The following UBE2U variants were observed in gnomAD, a reference collection of about 807,000 sequenced individuals.
UBE2U encodes the protein ubiquitin-conjugating enzyme E2 U.
A neutral mutation model predicts 41.2 loss-of-function variants in UBE2U; 39 were observed. That is an observed-to-expected ratio of 0.95 (90% CI 0.73 to 1.24). The LOEUF is 1.24. Among genes scored for constraint, UBE2U ranks in the 50% most tolerant of loss-of-function variants. The pLI is 0.00. For missense variants in UBE2U, 336 were observed against 363.1 expected, an observed-to-expected ratio of 0.93 and a Z score of 0.61; for synonymous variants, 107 against 117.8, an observed-to-expected ratio of 0.91 and a Z score of 0.60.
At chr1:64,204,226 C>A in intron 1 of UBE2U, 110 bp downstream of exon 1, 2 of 855,900 alleles carry the variant, frequency 2.3e-6, no homozygotes, top group Non-Finnish European at 3.5e-6. Context: ...TGATTTGCCA[C>A]TACAGTATTG....
intron 1 of UBE2U, 106 bp downstream of exon 1, chr1:64,204,222 GC>G: frequency 1.1e-6 from 1 of 911,378 alleles, no homozygotes; most frequent in Non-Finnish European, 1.7e-6. Context: ...AACCTGATTT[GC>G]CACTACAGTA....
chr1:64,235,703 A>G (rs890671206), intron 7 of UBE2U, among the ~76,000 whole-genome samples: 1 of 152,084 alleles, frequency 6.6e-6, no homozygotes, highest in African/African-American at 2.4e-5. Flanking sequence ...TGGGGTATTA[A>G]CTCTTTTCCC....
intron 8 of UBE2U, among the ~76,000 whole-genome samples, chr1:64,259,797 G>A (rs1212253329): frequency 1.3e-5 from 2 of 151,842 alleles, no homozygotes; most frequent in Non-Finnish European, 2.9e-5. Flanking sequence ...TCTCCCATAA[G>A]CCTGTTGTTT....
At chr1:64,220,577 T>G (rs562663779) in intron 5 of UBE2U, among the ~76,000 whole-genome samples, 4 of 152,184 alleles carry the variant, frequency 2.6e-5, no homozygotes, top group Non-Finnish European at 5.9e-5. Flanking sequence ...CTGAACTGTT[T>G]CACAGGTTCT....
intron 4 of UBE2U, among the ~76,000 whole-genome samples, chr1:64,213,354 T>G (rs1277764607): frequency 1.3e-5 from 2 of 152,210 alleles, no homozygotes; most frequent in Non-Finnish European, 2.9e-5. Flanking sequence ...TTCCTCAGTC[T>G]GTCCAGCAAG....
chr1:64,219,150 C>T (rs983368618), intron 5 of UBE2U, among the ~76,000 whole-genome samples: 2 of 152,100 alleles, frequency 1.3e-5, no homozygotes, highest in African/African-American at 4.8e-5. Context: ...CTTTGCATGC[C>T]TAAAAATGTA....
intron 7 of UBE2U, among the ~76,000 whole-genome samples, chr1:64,239,141 G>GAA (rs1238320884): frequency 0.015 from 434 of 28,120 alleles, 37 homozygotes; most frequent in African/African-American, 0.061. Context: ...AGAAGAAGAA[G>GAA]AAGAAGAAGA....
chr1:64,216,998 A>G (rs1228292849), intron 5 of UBE2U, among the ~76,000 whole-genome samples: 1 of 152,202 alleles, frequency 6.6e-6, no homozygotes, highest in Non-Finnish European at 1.5e-5. Flanking sequence ...ACAAACGATT[A>G]TCTAGCCAGT....
chr1:64,254,382 C>A (rs1287306092), intron 8 of UBE2U, among the ~76,000 whole-genome samples: 2 of 152,074 alleles, frequency 1.3e-5, no homozygotes, highest in Non-Finnish European at 2.9e-5. Context: ...ATATTCAATA[C>A]CTGAATTCAG....
At chr1:64,251,460 TA>T (rs1380728951) in intron 8 of UBE2U, among the ~76,000 whole-genome samples, 1 of 152,112 alleles carries the variant, frequency 6.6e-6, no homozygotes, top group African/African-American at 2.4e-5. Context: ...ATTTCTGATT[TA>T]AAAAAGAGAA....
intron 8 of UBE2U, chr1:64,244,134 A>G (rs1644880859): frequency 6.2e-7 from 1 of 1,609,740 alleles, no homozygotes; most frequent in South Asian, 1.1e-5. Context: ...TTGCAGATGA[A>G]AAATCTTTCT....
intron 8 of UBE2U, chr1:64,244,221 T>A: frequency 6.4e-7 from 1 of 1,566,878 alleles, no homozygotes; most frequent in Non-Finnish European, 8.7e-7. Context: ...ACTCTGAACT[T>A]GTTTTTTTAT....
chr1:64,215,813 C>T (rs1358381361), intron 5 of UBE2U, among the ~76,000 whole-genome samples: 2 of 152,086 alleles, frequency 1.3e-5, no homozygotes, highest in Non-Finnish European at 2.9e-5. Flanking sequence ...TCCATTGCCC[C>T]TGTGCGCTCT....
At chr1:64,219,488 T>G (rs777239469) in intron 5 of UBE2U, among the ~76,000 whole-genome samples, 1 of 152,124 alleles carries the variant, frequency 6.6e-6, no homozygotes, top group Non-Finnish European at 1.5e-5. Flanking sequence ...AACTTTCTTA[T>G]GTGATATCTT....
intron 9 of UBE2U, among the ~76,000 whole-genome samples, chr1:64,262,161 C>T (rs1276151859): frequency 1.3e-5 from 2 of 152,160 alleles, no homozygotes; most frequent in African/African-American, 4.8e-5. Context: ...CCCTTCTTTA[C>T]TTTCTAATGC....
At chr1:64,209,975 G>A (rs984087242) in intron 3 of UBE2U, among the ~76,000 whole-genome samples, 1 of 152,068 alleles carries the variant, frequency 6.6e-6, no homozygotes, top group Non-Finnish European at 1.5e-5. Flanking sequence ...CTATCACATT[G>A]TCCTAGATGT....
intron 6 of UBE2U, among the ~76,000 whole-genome samples, chr1:64,223,866 A>G (rs1348680399): frequency 1.3e-5 from 2 of 152,206 alleles, no homozygotes; most frequent in East Asian, 1.9e-4. Flanking sequence ...AGCACATTCA[A>G]CAGGAATGGA....
chr1:64,241,724 G>T lies in UBE2U; in HGVS notation c.668G>T (p.Trp223Leu). 6.2e-7 allele frequency: 1 copy of T among 1,606,796 alleles called. No homozygotes were observed. Among genetic ancestry groups the T allele is most frequent in the Non-Finnish European group, 8.5e-7 (1 of 1,176,470 alleles). ...ATGGATCTACAGCATCAGAAAGAAT[G>T]GAATTTAAAGTAAGAAATATGAAGT... is the stretch of plus-strand genomic sequence containing the variant. ...KKMDLQHQKE[W>L]NLKYSVIKCW... Residue 223 changes from tryptophan to leucine, a missense_variant, in exon 8 of 10, where the codon TGG becomes TTG. Transcript: ENST00000371077.
chr1:64,263,051 T>A (rs928476949), intron 9 of UBE2U, among the ~76,000 whole-genome samples: 1 of 152,064 alleles, frequency 6.6e-6, no homozygotes, highest in African/African-American at 2.4e-5. Flanking sequence ...TGAAAACCCA[T>A]GATAAGTGGG....
Sources: allele counts gnomAD v4.1 joint callset (sites outside exome capture counted in the v4.1 genomes callset), GRCh38; gene constraint gnomAD v4.1.1; transcripts MANE v1.5; gene names NCBI Gene and HGNC (gene_info 2026-07-23, HGNC 2026-07-21).